The following POLR2M variants were observed in gnomAD, a reference collection of about 807,000 sequenced individuals.
The protein encoded by POLR2M is RNA polymerase II subunit M.
In POLR2M, 30 loss-of-function variants were observed where a neutral mutation model predicts 34.6. That is an observed-to-expected ratio of 0.87 (90% CI 0.65 to 1.18). The LOEUF (loss-of-function observed/expected upper bound fraction) is 1.18, where lower values mean the gene tolerates loss of function less well. Ranked by LOEUF, POLR2M falls within the 50% of genes most tolerant of loss-of-function variation. The pLI is 0.00. For missense variants in POLR2M, 432 were observed against 448.7 expected, an observed-to-expected ratio of 0.96 and a Z score of 0.34; for synonymous variants, 150 against 166.7, an observed-to-expected ratio of 0.90 and a Z score of 0.77.
At position 57,717,390 on chromosome 15, in the gene POLR2M, C is replaced by G. The variant is rs1258424064; in HGVS notation, c.*2711C>G. 1 of 152,204 alleles carries G rather than the reference C, an allele frequency of 6.6e-6. No individual in the cohort carries two copies. The highest frequency in any genetic ancestry group is 2.4e-5 in the African/African-American group (1 of 41,452). 9.4% of individuals were successfully genotyped at this position (152,204 alleles called of 1,614,324 possible). ...GGAGGTCTTGCCAGCACTCCAAAAT[C>G]TCTGTGTGTCCCCTCTTGACACTCA... is the stretch of plus-strand genomic sequence containing the variant. On this transcript the variant is annotated 3_prime_UTR_variant, in exon 4 of 4. Coordinates refer to ENST00000299638, the MANE Select transcript of POLR2M (RefSeq NM_015532.5).
At chr15:57,711,884 G>T in intron 2 of POLR2M, 100 bp from the exon 3 acceptor site, 1 of 1,348,006 alleles carries the variant, frequency 7.4e-7, no homozygotes, top group Non-Finnish European at 1.0e-6. Context: ...ACCTTTGGAG[G>T]AGAATTAATT....
At chr15:57,711,755 A>AC (rs1169257865) in intron 2 of POLR2M, among the ~76,000 whole-genome samples, 2 of 152,178 alleles carry the variant, frequency 1.3e-5, no homozygotes, top group East Asian at 3.9e-4. Flanking sequence ...GAAAAAAAAA[A>AC]AAAAAACTCC....
rs1317706013 is a variant in POLR2M, at chr15:57,716,630, T to TC, written c.*1952dup. 1.3e-5 allele frequency: 2 copies of TC among 152,288 alleles called. No homozygotes were observed. The highest frequency in any genetic ancestry group is 6.5e-5 in the Admixed American group (1 of 15,294). 9.4% of individuals were successfully genotyped at this position (152,288 alleles called of 1,614,324 possible). On this transcript the variant is annotated 3_prime_UTR_variant, in exon 4 of 4. Coordinates refer to ENST00000299638, the MANE Select transcript of POLR2M (RefSeq NM_015532.5). Reference sequence around the variant, plus strand: ...TACTTAGTGAAGGTTGTGTTTTTTTTCATATTCATTGGCCATGCTATATTC... The same window carrying TC: ...TACTTAGTGAAGGTTGTGTTTTTTTTCCATATTCATTGGCCATGCTATATTC...
chr15:57,712,775 A>G lies in POLR2M; in HGVS notation c.963+587A>G, dbSNP rs992086300. Among the ~76,000 whole-genome samples, 8 of 152,342 alleles carry G rather than the reference A, an allele frequency of 5.3e-5. No individual in the cohort carries two copies. In the East Asian group the frequency reaches 9.6e-4, roughly 18 times the overall value. On this transcript the variant is annotated intron_variant, in intron 3 of 3. Coordinates refer to ENST00000299638, the MANE Select transcript of POLR2M (RefSeq NM_015532.5). ...AGCACTTTGTTTCCATGTGTTTTGC[A>G]TTGAACTTCAAACATGTATGTTGAG...
In POLR2M at chr15:57,712,055, G is replaced by A. The variant is rs535153229; in HGVS notation, c.830G>A (p.Arg277Gln). Residue 277 changes from arginine (R) to glutamine (Q), a missense_variant, in exon 3 of 4, where the codon CGG becomes CAG. Physicochemically the swap from Arg to Gln is conservative, Grantham distance 43. Transcript: ENST00000299638. ...KSGSPISSEE[R>Q]RRRDKQHLDD... Reference sequence around the variant, plus strand: ...GGGTCTCCTATTTCCTCAGAAGAGCGGCGGCGCAGGGATAAGCAGCATCTT... The same window carrying A: ...GGGTCTCCTATTTCCTCAGAAGAGCAGCGGCGCAGGGATAAGCAGCATCTT... 63 of 1,614,102 alleles carry A rather than the reference G, an allele frequency of 3.9e-5. 2 individuals carry two copies. In the South Asian group the frequency reaches 6.3e-4, roughly 16 times the overall value.
At chr15:57,709,423 A>G in intron 2 of POLR2M, 65 bp downstream of exon 2, 2 of 1,535,732 alleles carry the variant, frequency 1.3e-6, no homozygotes, top group Non-Finnish European at 1.8e-6. Flanking sequence ...AAAATTTACG[A>G]GAAACTGGGT....
chr15:57,710,061 G>A (rs569445598), intron 2 of POLR2M, among the ~76,000 whole-genome samples: 17 of 152,300 alleles, frequency 1.1e-4, no homozygotes, highest in Non-Finnish European at 2.4e-4. Context: ...CATGTGTAAT[G>A]TAATACAATA....
Position 57,706,790 on chromosome 15 carries a change from G to T in POLR2M, c.-53G>T. 6.5e-7 allele frequency: 1 copy of T among 1,535,862 alleles called. No homozygotes were observed. Among genetic ancestry groups the T allele is most frequent in the Non-Finnish European group, 8.8e-7 (1 of 1,135,984 alleles). On this transcript the variant is annotated 5_prime_UTR_variant, in exon 1 of 4. Coordinates refer to ENST00000299638, the MANE Select transcript of POLR2M (RefSeq NM_015532.5). ...CCGCGGATCCGGCGCTAGTAGCGGG[G>T]CCTGCCGAGGAAGCCGAGTGCCCGC...
intron 1 of POLR2M, chr15:57,707,469 A>G (rs768236656): frequency 1.8e-6 from 1 of 545,298 alleles, no homozygotes; most frequent in Middle Eastern, 2.8e-4. Flanking sequence ...TTTTTTAGGC[A>G]GCTTTGTTCA....
chr15:57,707,325 G>A, intron 1 of POLR2M: 2 of 729,352 alleles, frequency 2.7e-6, no homozygotes, highest in East Asian at 2.7e-5. Flanking sequence ...TGGATTCTAA[G>A]CTTACAGGAA....
In POLR2M at chr15:57,712,128, G is replaced by A. The variant is rs375561431; in HGVS notation, c.903G>A (p.Thr301=). The A allele has an allele frequency of 6.2e-6, 10 of 1,614,118 alleles. No individual in the cohort carries two copies. The highest frequency in any genetic ancestry group is 1.7e-5 in the Admixed American group (1 of 60,016). ...ARLLPLHHMP[T]QLLSIEESLA... ...TTCTACCACTTCACCATATGCCCAC[G>A]CAGCTGCTCTCCATAGAAGAATCCT... Residue 301 remains threonine, a synonymous_variant, in exon 3 of 4, where the codon ACG becomes ACA. Coordinates refer to ENST00000299638, the MANE Select transcript of POLR2M (RefSeq NM_015532.5).
At chr15:57,707,388 A>G (rs1217975585) in intron 1 of POLR2M, 7 of 682,518 alleles carry the variant, frequency 1.0e-5, no homozygotes, top group Non-Finnish European at 1.9e-5. Flanking sequence ...AGGCCGGGAA[A>G]GTTCGACCCT....
At position 57,712,037 on chromosome 15, in the gene POLR2M, C is replaced by T. The variant is rs2040743065; in HGVS notation, c.812C>T (p.Pro271Leu). 1.9e-6 allele frequency: 3 copies of T among 1,614,072 alleles called. No homozygotes were observed. The highest frequency in any genetic ancestry group is 2.5e-6 in the Non-Finnish European group (3 of 1,179,958). Residue 271 changes from proline (P) to leucine (L), a missense_variant, in exon 3 of 4, where the codon CCT (proline) becomes CTT (leucine). By Grantham distance (98) the Pro-to-Leu change is moderately conservative. Transcript: ENST00000299638. Reference sequence around the variant, plus strand: ...AGTCATTGCCAGAAGAGTGGGTCTCCTATTTCCTCAGAAGAGCGGCGGCGC... The same window carrying T: ...AGTCATTGCCAGAAGAGTGGGTCTCTTATTTCCTCAGAAGAGCGGCGGCGC... Reference protein sequence around the residue: ...SSSHCQKSGSPISSEERRRRD... With the variant: ...SSSHCQKSGSLISSEERRRRD...
Position 57,712,019 on chromosome 15 carries a change from G to T in POLR2M, c.794G>T (p.Cys265Phe). ...PFRQNDSSSH[C>F]QKSGSPISSE... ...CGACAAAATGATTCATCTAGTCATT[G>T]CCAGAAGAGTGGGTCTCCTATTTCC... Residue 265 changes from cysteine (C) to phenylalanine (F), a missense_variant, in exon 3 of 4, where the codon TGC becomes TTC. By Grantham distance (205) the Cys-to-Phe change is radical (BLOSUM62 -2). Coordinates refer to ENST00000299638, the MANE Select transcript of POLR2M (RefSeq NM_015532.5). 8.7e-6 allele frequency: 14 copies of T among 1,613,958 alleles called. No individual in the cohort carries two copies. Among genetic ancestry groups the T allele is most frequent in the Non-Finnish European group, 1.2e-5 (14 of 1,179,918 alleles).
At chr15:57,712,292 GT>G in intron 3 of POLR2M, 104 bp downstream of exon 3, 1 of 1,334,850 alleles carries the variant, frequency 7.5e-7, no homozygotes, top group Non-Finnish European at 1.0e-6. Flanking sequence ...AGGGGATTAG[GT>G]GCTTCCATGA....
At position 57,717,522 on chromosome 15, in the gene POLR2M, C is replaced by T. The variant is rs1367225469; in HGVS notation, c.*2843C>T. The stretch of plus-strand genomic sequence containing the variant: ...ATAACAATATGGTTTACATTTTGCT[C>T]ACTTTTGACTTATATAAAAATAGAA... On this transcript the variant is annotated 3_prime_UTR_variant, in exon 4 of 4. Transcript: ENST00000299638. 6.6e-6 allele frequency: 1 copy of T among 152,152 alleles called. No homozygotes were observed. The highest frequency in any genetic ancestry group is 1.5e-5 in the Non-Finnish European group (1 of 68,030). The allele number at this position is 152,152 out of a possible 1,614,324, so 9.4% of individuals were successfully genotyped here. A position where few individuals can be genotyped will look rare whatever the true frequency, so the allele number is the denominator to read the frequency against.
intron 2 of POLR2M, among the ~76,000 whole-genome samples, chr15:57,711,461 G>A (rs1249607386): frequency 1.3e-5 from 2 of 152,196 alleles, no homozygotes; most frequent in African/African-American, 2.4e-5. Flanking sequence ...CAGAAAAGCT[G>A]AGTCTGTCTA....
intron 3 of POLR2M, among the ~76,000 whole-genome samples, chr15:57,714,014 ATTT>A (rs1395948000): frequency 6.6e-6 from 1 of 151,264 alleles, no homozygotes; most frequent in Non-Finnish European, 1.5e-5. Context: ...CGCCCGGCTA[ATTT>A]TTTGTATATT....
Position 57,711,142 on chromosome 15 carries a change from C to T in POLR2M, c.759-842C>T, listed in dbSNP as rs548513175. Reference sequence around the variant, plus strand: ...TTCCCTAATAGTGCCACCACCTTCTCGGTTTTCTTCCCCTAAGGTATCTTC... The same window carrying T: ...TTCCCTAATAGTGCCACCACCTTCTTGGTTTTCTTCCCCTAAGGTATCTTC... On this transcript the variant is annotated intron_variant, in intron 2 of 3. Transcript: ENST00000299638. Among the ~76,000 whole-genome samples the T allele has an allele frequency of 1.5e-4, 23 of 152,304 alleles. No homozygotes were observed. In the South Asian group the frequency reaches 3.7e-3, roughly 25 times the overall value.
Sources: gnomAD v4.1 joint callset for allele counts (sites outside exome capture counted in the v4.1 genomes callset) on GRCh38, gnomAD v4.1.1 for gene constraint, MANE v1.5 for transcripts, NCBI Gene and HGNC (gene_info 2026-07-23, HGNC 2026-07-21) for gene names.